AZIN2: variants seen among roughly 807,000 people sequenced by gnomAD.
The protein encoded by AZIN2 is antizyme inhibitor 2, also known as ODC antizyme inhibitor-2.
In AZIN2, 28 loss-of-function variants were observed where a neutral mutation model predicts 47.8. The ratio of observed to expected loss-of-function variants is 0.59; its 90% CI spans 0.43 to 0.80. The LOEUF (loss-of-function observed/expected upper bound fraction) is 0.80. AZIN2 is among the 30% of genes least tolerant of loss of function. The probability of loss-of-function intolerance (pLI) is 0.00; values close to 1 mark genes in which losing one functional copy is unlikely to be tolerated. For missense variants in AZIN2, 535 were observed against 582.5 expected, an observed-to-expected ratio of 0.92 and a Z score of 0.84; for synonymous variants, 221 against 239.4, an observed-to-expected ratio of 0.92 and a Z score of 0.71.
At chr1:33,145,805 A>C in the AZIN2 span, 1 of 467,758 alleles carries the variant, frequency 2.1e-6, no homozygotes, top group East Asian at 7.0e-5. Context: ...TCACGATTGG[A>C]TGCTGTGGCA....
intron 4 of AZIN2, 86 bp downstream of exon 4, chr1:33,082,440 T>G: frequency 1.1e-6 from 1 of 891,002 alleles, no homozygotes; most frequent in East Asian, 2.7e-5. Flanking sequence ...GCCCTCATCT[T>G]ATCCTTTCGC....
intron 5 of AZIN2, among the ~76,000 whole-genome samples, chr1:33,090,469 C>T (rs546123225): frequency 6.6e-6 from 1 of 152,314 alleles, no homozygotes; most frequent in Admixed American, 6.5e-5. Flanking sequence ...CCTGCACACC[C>T]AGTGCAGGGC....
downstream of AZIN2, among the ~76,000 whole-genome samples, chr1:33,127,848 C>T (rs1038212206): frequency 6.6e-6 from 1 of 152,022 alleles, no homozygotes; most frequent in Non-Finnish European, 1.5e-5. Flanking sequence ...CTTGCCAGGC[C>T]CTGCTCTCGC....
chr1:33,134,711 C>T, the AZIN2 span, among the ~76,000 whole-genome samples: 4 of 152,326 alleles, frequency 2.6e-5, no homozygotes, highest in South Asian at 4.1e-4. Flanking sequence ...GGAGTACATG[C>T]GGGTCTCTGG....
At chr1:33,105,382 T>C (rs975441677) in intron 10 of AZIN2, among the ~76,000 whole-genome samples, 9 of 152,150 alleles carry the variant, frequency 5.9e-5, no homozygotes, top group Non-Finnish European at 1.5e-5. Context: ...ATATTTAGTG[T>C]GTGTATTAGT....
chr1:33,152,869 G>C, the AZIN2 span, among the ~76,000 whole-genome samples: 11 of 152,292 alleles, frequency 7.2e-5, no homozygotes, highest in East Asian at 1.5e-3. Context: ...AGCCCAGGAT[G>C]GGGAGAAGGC....
chr1:33,161,919 C>T, the AZIN2 span, among the ~76,000 whole-genome samples: 1 of 152,200 alleles, frequency 6.6e-6, no homozygotes, highest in Non-Finnish European at 1.5e-5. This position sits in a 1 kb window ranked among gnomAD's most constrained non-coding sequence, Gnocchi z 4.3. Flanking sequence ...CTTCCATCCT[C>T]ACCCTGAACA....
the AZIN2 span, among the ~76,000 whole-genome samples, chr1:33,154,667 G>A: frequency 2.6e-5 from 4 of 151,322 alleles, no homozygotes; most frequent in Admixed American, 1.3e-4. Flanking sequence ...GTGCAGTGGC[G>A]TGTGCCTGTA....
chr1:33,093,527 CTGGGCCTGG>C, intron 7 of AZIN2, 111 bp downstream of exon 7: 1 of 1,345,864 alleles, frequency 7.4e-7, no homozygotes, highest in Non-Finnish European at 1.0e-6. Context: ...GGGCCTGTCC[CTGGGCCTGG>C]AATTCTTCCA....
At chr1:33,154,528 G>A in the AZIN2 span, among the ~76,000 whole-genome samples, 4 of 152,102 alleles carry the variant, frequency 2.6e-5, no homozygotes, top group Admixed American at 2.0e-4. Context: ...GGCTGGGCGC[G>A]GTGGCTCACG....
chr1:33,120,117 TG>T lies in AZIN2; in HGVS notation c.1319del (p.Cys440SerfsTer130). The T allele has an allele frequency of 6.2e-7, 1 of 1,613,948 alleles. No individual in the cohort carries two copies. The highest frequency in any genetic ancestry group is 1.1e-5 in the South Asian group (1 of 91,090). On this transcript the variant is annotated frameshift_variant, in exon 12 of 12. Coordinates refer to ENST00000294517, the MANE Select transcript of AZIN2 (RefSeq NM_052998.4). LOFTEE classifies it high-confidence loss of function. ...DVEGVCKPLSCGWEITDTLCV... is the reference protein window; with the variant it reads ...DVEGVCKPLSXGWEITDTLCV... ...GGAGGGTGTGTGCAAGCCTCTGTCC[TG>T]CGGCTGGGAGATCACAGACACCCTG... is the stretch of plus-strand genomic sequence containing the variant.
At chr1:33,165,720 T>C in the AZIN2 span, 1 of 549,096 alleles carries the variant, frequency 1.8e-6, no homozygotes, top group Non-Finnish European at 3.1e-6. This position sits in a 1 kb window ranked among gnomAD's most constrained non-coding sequence, Gnocchi z 4.0. Context: ...GCAAGTCCTG[T>C]AGAGTCTGTC....
At chr1:33,104,946 T>G (rs1643924355) in intron 10 of AZIN2, among the ~76,000 whole-genome samples, 1 of 152,180 alleles carries the variant, frequency 6.6e-6, no homozygotes, top group Non-Finnish European at 1.5e-5. Flanking sequence ...CAAGCAATCC[T>G]CCCACCTTGA....
chr1:33,134,819 C>T, the AZIN2 span, among the ~76,000 whole-genome samples: 1 of 152,190 alleles, frequency 6.6e-6, no homozygotes, highest in Non-Finnish European at 1.5e-5. Flanking sequence ...CTGAAACAGT[C>T]CTGTGCTCCC....
chr1:33,126,392 C>T (rs958234317), downstream of AZIN2, among the ~76,000 whole-genome samples: 3 of 152,302 alleles, frequency 2.0e-5, no homozygotes, highest in Admixed American at 6.5e-5. Flanking sequence ...TGTCTTCCTG[C>T]GTATCTAATC....
At chr1:33,133,129 C>G in the AZIN2 span, among the ~76,000 whole-genome samples, 1 of 152,148 alleles carries the variant, frequency 6.6e-6, no homozygotes, top group Non-Finnish European at 1.5e-5. Flanking sequence ...CCCATAGTCA[C>G]TTACAGTTAC....
At chr1:33,133,257 G>A in the AZIN2 span, among the ~76,000 whole-genome samples, 1 of 152,260 alleles carries the variant, frequency 6.6e-6, no homozygotes, top group Admixed American at 6.5e-5. Flanking sequence ...CATGGCCTCT[G>A]CGAGGCTTTA....
intron 5 of AZIN2, among the ~76,000 whole-genome samples, chr1:33,085,076 T>C (rs1641735131): frequency 6.6e-6 from 1 of 152,180 alleles, no homozygotes; most frequent in African/African-American, 2.4e-5. Flanking sequence ...ATTTAAGCTA[T>C]AAAGTTTCAA....
the AZIN2 span, among the ~76,000 whole-genome samples, chr1:33,150,332 C>T: frequency 6.6e-6 from 1 of 152,320 alleles, no homozygotes; most frequent in South Asian, 2.1e-4. Context: ...CACTGATGTG[C>T]AGAAATAAGA....
Sources: gnomAD v4.1 joint callset for allele counts (sites outside exome capture counted in the v4.1 genomes callset) on GRCh38, gnomAD v4.1.1 for gene constraint, Gnocchi (gnomAD v3.1) non-coding constraint, MANE v1.5 for transcripts, NCBI Gene and HGNC (gene_info 2026-07-23, HGNC 2026-07-21) for gene names.